SLC12A6: variants seen among roughly 807,000 people sequenced by gnomAD.
The protein encoded by SLC12A6 is solute carrier family 12 member 6, also known as K-Cl cotransporter 3.
In SLC12A6, 66 loss-of-function variants were observed where a neutral mutation model predicts 135.3. The observed-to-expected ratio is 0.49, with a 90% CI of 0.40 to 0.60. SLC12A6 has a LOEUF of 0.60. Ranked by LOEUF, SLC12A6 falls within the 20% of genes least tolerant of loss-of-function variation. The pLI, the probability that SLC12A6 is intolerant of heterozygous loss-of-function variation, is 0.00. For synonymous variants in SLC12A6, 513 were observed against 508.8 expected (o/e 1.01, Z -0.11); for missense variants, 1,058 against 1,452.3 (o/e 0.73, Z 4.41).
chr15:34,333,524 C>T (rs1566878888), intron 2 of SLC12A6, among the ~76,000 whole-genome samples: 1 of 152,102 alleles, frequency 6.6e-6, no homozygotes, highest in Admixed American at 6.5e-5. Context: ...AGCCACCGTG[C>T]CTGGCTCCAC....
intron 2 of SLC12A6, among the ~76,000 whole-genome samples, chr15:34,314,335 C>T (rs1888482233): frequency 6.6e-6 from 1 of 152,248 alleles, no homozygotes; most frequent in Non-Finnish European, 1.5e-5. Context: ...GTGTGAGCCA[C>T]TGCACCCAGC....
chr15:34,242,070 T>A, intron 17 of SLC12A6, 32 bp downstream of exon 17: 1 of 1,571,296 alleles, frequency 6.4e-7, no homozygotes, highest in South Asian at 1.1e-5. Flanking sequence ...CTTGCTACTT[T>A]TAGCAGTGAT....
intron 2 of SLC12A6, among the ~76,000 whole-genome samples, chr15:34,305,385 GTT>G (rs553781912): frequency 1.4e-5 from 2 of 140,044 alleles, no homozygotes; most frequent in African/African-American, 5.2e-5. Flanking sequence ...TTTTTTAAAA[GTT>G]TTTTTTTTTT....
chr15:34,236,324 C>T, intron 23 of SLC12A6, 125 bp from the exon 24 acceptor site: 1 of 775,538 alleles, frequency 1.3e-6, no homozygotes, highest in South Asian at 1.5e-5. Flanking sequence ...ATTTGTCATC[C>T]TTGAAAACAA....
intron 2 of SLC12A6, among the ~76,000 whole-genome samples, chr15:34,298,441 C>T (rs553376697): frequency 6.6e-6 from 1 of 151,870 alleles, no homozygotes; most frequent in South Asian, 2.1e-4. Context: ...TGCCTCTGCA[C>T]TCCAGCCTAG....
chr15:34,240,120 T>A (rs1891543855), intron 19 of SLC12A6, among the ~76,000 whole-genome samples: 1 of 152,040 alleles, frequency 6.6e-6, no homozygotes, highest in African/African-American at 2.4e-5. Flanking sequence ...GTAAAACTTT[T>A]GAAATGCCAT....
intron 2 of SLC12A6, among the ~76,000 whole-genome samples, chr15:34,289,889 G>T (rs947882737): frequency 6.6e-6 from 1 of 151,872 alleles, no homozygotes; most frequent in Non-Finnish European, 1.5e-5. Flanking sequence ...TATTAGTCTT[G>T]CTAGCAGTCT....
chr15:34,236,233 C>G (rs1358233487), intron 23 of SLC12A6, 34 bp from the exon 24 acceptor site: 1 of 1,534,580 alleles, frequency 6.5e-7, no homozygotes, highest in African/African-American at 1.4e-5. Context: ...GTTATTCTAC[C>G]AAATTTTCTC....
chr15:34,305,200 T>C (rs904230478), intron 2 of SLC12A6, among the ~76,000 whole-genome samples: 2 of 152,160 alleles, frequency 1.3e-5, no homozygotes, highest in Non-Finnish European at 2.9e-5. Context: ...AGGATATCCC[T>C]ATGTATGTGT....
intron 7 of SLC12A6, among the ~76,000 whole-genome samples, chr15:34,255,742 G>A (rs1892707271): frequency 6.6e-6 from 1 of 151,780 alleles, no homozygotes; most frequent in African/African-American, 2.4e-5. Flanking sequence ...AGGATGAGGC[G>A]AGAGGATTGC....
chr15:34,308,363 G>A (rs1183227748), intron 2 of SLC12A6, among the ~76,000 whole-genome samples: 1 of 152,100 alleles, frequency 6.6e-6, no homozygotes, highest in Admixed American at 6.6e-5. Context: ...GGTGGCTCAT[G>A]CCTGTAATCC....
At chr15:34,281,745 G>C (rs1031610374) in intron 2 of SLC12A6, among the ~76,000 whole-genome samples, 9 of 152,050 alleles carry the variant, frequency 5.9e-5, no homozygotes, top group Admixed American at 5.2e-4. Flanking sequence ...CCAAGATGGC[G>C]CCACTGCACT....
intron 2 of SLC12A6, among the ~76,000 whole-genome samples, chr15:34,326,858 C>CTTTTTTTTT (rs397963192): frequency 2.8e-5 from 2 of 72,176 alleles, no homozygotes; most frequent in Non-Finnish European, 4.6e-5. Context: ...CAACTGGCTG[C>CTTTTTTTTT]TTTTTTTTTT....
chr15:34,236,803 T>G lies in SLC12A6; in HGVS notation c.2947A>C (p.Ile983Leu). 1 of 1,602,568 alleles carries G rather than the reference T, an allele frequency of 6.2e-7. No homozygotes were observed. Among genetic ancestry groups the G allele is most frequent in the Non-Finnish European group, 8.6e-7 (1 of 1,169,498 alleles). The change falls in exon 23 of 26, where the codon ATA becomes CTA. Residue 983 changes from isoleucine to leucine, a missense_variant. Around this residue, in one of 6 missense-constraint regions of SLC12A6, gnomAD observed 245 missense variants for 440.8 expected, o/e 0.56. Coordinates refer to ENST00000354181, the MANE Select transcript of SLC12A6 (RefSeq NM_001365088.1). The stretch of plus-strand genomic sequence containing the variant: ...GTGCGCTCGTAAGTATATGCTGATA[T>G]ATCACTGTCATGCTGCCATAGACAT... ...VEVVEMHDSD[I>L]SAYTYERTLM...
chr15:34,235,374 G>T, intron 24 of SLC12A6, 60 bp from the exon 25 acceptor site: 2 of 1,411,266 alleles, frequency 1.4e-6, no homozygotes, highest in Non-Finnish European at 2.0e-6. Flanking sequence ...TAAAGTCAAC[G>T]TTAAAAACTT....
In SLC12A6 at chr15:34,245,725, T is replaced by C. The variant is rs769522452; in HGVS notation, c.1792A>G (p.Ile598Val). The part of the protein sequence containing the change: ...LTGAPRLLQA[I>V]AKDNIIPFLR... ...AACGGTATGATGTTATCCTTGGCAA[T>C]AGCTTGTAGCAGCCTCGGTGCACCT... Residue 598 changes from isoleucine (I) to valine (V), a missense_variant, in exon 14 of 26, where the codon ATT becomes GTT. This residue lies in a region of SLC12A6 where 170 missense variants were observed against 297.6 expected (regional missense o/e 0.57). Coordinates refer to ENST00000354181, the MANE Select transcript of SLC12A6 (RefSeq NM_001365088.1). 1.2e-5 allele frequency: 19 copies of C among 1,613,978 alleles called. No individual in the cohort carries two copies. The highest frequency in any genetic ancestry group is 1.5e-5 in the Non-Finnish European group (18 of 1,179,880).
intron 9 of SLC12A6, among the ~76,000 whole-genome samples, chr15:34,252,963 C>G (rs1240787655): frequency 6.6e-6 from 1 of 152,166 alleles, no homozygotes; most frequent in Non-Finnish European, 1.5e-5. Flanking sequence ...AATTAAAAGG[C>G]AGATCCCTCT....
intron 2 of SLC12A6, among the ~76,000 whole-genome samples, chr15:34,297,575 C>T (rs190818827): frequency 6.6e-6 from 1 of 152,360 alleles, no homozygotes; most frequent in Non-Finnish European, 1.5e-5. Context: ...CAGGCCTCAG[C>T]TGTGGTCTTG....
intron 2 of SLC12A6, among the ~76,000 whole-genome samples, chr15:34,310,571 ATG>A (rs1244462361): frequency 0.034 from 604 of 17,614 alleles, 35 homozygotes; most frequent in Non-Finnish European, 0.044. Flanking sequence ...GTGTGTGTGT[ATG>A]TGTGTGTGTG....
Sources: allele counts gnomAD v4.1 joint callset (sites outside exome capture counted in the v4.1 genomes callset), GRCh38; gene constraint gnomAD v4.1.1; regional missense constraint gnomAD v4.1.1; transcripts MANE v1.5; gene names NCBI Gene and HGNC (gene_info 2026-07-23, HGNC 2026-07-21).